The following DCLK1 variants were observed in gnomAD, a reference collection of about 807,000 sequenced individuals.
The protein encoded by DCLK1 is doublecortin like kinase 1.
A neutral mutation model predicts 86.2 loss-of-function variants in DCLK1; 16 were observed. That is an observed-to-expected ratio of 0.19 (90% CI 0.13 to 0.28). The LOEUF (loss-of-function observed/expected upper bound fraction) is 0.28, where lower values mean the gene tolerates loss of function less well. DCLK1 is among the 10% of genes least tolerant of loss of function. DCLK1 has a pLI of 1.00. For synonymous variants in DCLK1, 369 were observed against 370.5 expected (o/e 1.00, Z 0.05); for missense variants, 590 against 940.2 (o/e 0.63, Z 4.87).
rs556161411 is a variant in DCLK1, at chr13:35,849,879, T to A, written c.1035+4620A>T. 1.0e-4 allele frequency: 95 copies of A among 948,716 alleles called. 1 individual carries two copies. Among genetic ancestry groups the A allele is most frequent in the East Asian group, 1.2e-4 (1 of 8,642 alleles). The allele number at this position is 948,716 out of a possible 1,614,324, so 58.8% of individuals were successfully genotyped here. ...TAGGTCTGTATGGAAAAAAAAAAAA[T>A]TCCCAGCTTTAGTTTTTACACATTT... On this transcript the variant is annotated intron_variant, in intron 6 of 16. Transcript: ENST00000360631.
chr13:36,018,233 A>C (rs1458415299), intron 3 of DCLK1, among the ~76,000 whole-genome samples: 1 of 152,174 alleles, frequency 6.6e-6, no homozygotes, highest in Non-Finnish European at 1.5e-5. Flanking sequence ...CTATAGACTC[A>C]GTTTGTACAC....
intron 11 of DCLK1, among the ~76,000 whole-genome samples, chr13:35,815,868 AAAT>A (rs1267662606): frequency 6.6e-6 from 1 of 152,226 alleles, no homozygotes; most frequent in Non-Finnish European, 1.5e-5. Context: ...AAATTAAATG[AAAT>A]AATAAAAATA....
intron 16 of DCLK1, among the ~76,000 whole-genome samples, chr13:35,779,091 C>T (rs2086477823): frequency 6.6e-6 from 1 of 152,094 alleles, no homozygotes; most frequent in Non-Finnish European, 1.5e-5. Context: ...TCTTGGCTCA[C>T]TGCAACCGCC....
At chr13:35,967,218 C>G (rs947984870) in intron 3 of DCLK1, among the ~76,000 whole-genome samples, 18 of 151,398 alleles carry the variant, frequency 1.2e-4, no homozygotes, top group Non-Finnish European at 1.8e-4. Flanking sequence ...TGAGGAGCCC[C>G]TCTGCCCGGC....
At chr13:36,070,813 T>C (rs1427029389) in intron 3 of DCLK1, among the ~76,000 whole-genome samples, 4 of 152,104 alleles carry the variant, frequency 2.6e-5, no homozygotes, top group Non-Finnish European at 5.9e-5. Flanking sequence ...AGCTAATTTT[T>C]TGTATTTTTA....
chr13:35,851,135 G>A (rs918541535), intron 6 of DCLK1, among the ~76,000 whole-genome samples: 6 of 152,126 alleles, frequency 3.9e-5, no homozygotes, highest in African/African-American at 1.4e-4. Context: ...AAAGGAACGT[G>A]CTTACCTCAC....
intron 3 of DCLK1, among the ~76,000 whole-genome samples, chr13:35,954,873 A>C (rs1427315069): frequency 6.6e-6 from 1 of 152,196 alleles, no homozygotes; most frequent in Non-Finnish European, 1.5e-5. Flanking sequence ...TGAAATTCAG[A>C]ATAGGCTAGG....
At chr13:35,936,971 T>A (rs1232709732) in intron 4 of DCLK1, among the ~76,000 whole-genome samples, 2 of 132,390 alleles carry the variant, frequency 1.5e-5, no homozygotes, top group Non-Finnish European at 3.3e-5. Flanking sequence ...GCTTTTTTTT[T>A]TTTTTTTTTT....
chr13:35,880,952 A>G (rs981427698), intron 4 of DCLK1, among the ~76,000 whole-genome samples: 1 of 152,218 alleles, frequency 6.6e-6, no homozygotes, highest in Non-Finnish European at 1.5e-5. Flanking sequence ...CCCACATGTC[A>G]TATGTTCCAC....
chr13:35,913,374 C>A (rs1411879502), intron 4 of DCLK1, among the ~76,000 whole-genome samples: 1 of 152,296 alleles, frequency 6.6e-6, no homozygotes, highest in African/African-American at 2.4e-5. Flanking sequence ...ATATTCATAC[C>A]CAGTGCTCTT....
chr13:36,050,303 A>C (rs1268173276), intron 3 of DCLK1, among the ~76,000 whole-genome samples: 1 of 152,200 alleles, frequency 6.6e-6, no homozygotes, highest in African/African-American at 2.4e-5. Context: ...TGATATACTA[A>C]AAAGTTAATT....
intron 15 of DCLK1, among the ~76,000 whole-genome samples, chr13:35,801,852 A>C (rs1454386374): frequency 6.6e-6 from 1 of 152,188 alleles, no homozygotes; most frequent in Non-Finnish European, 1.5e-5. Context: ...AATCAGGGGA[A>C]GATTCATGTC....
intron 4 of DCLK1, among the ~76,000 whole-genome samples, chr13:35,937,916 CTT>C (rs1566611291): frequency 6.6e-6 from 1 of 151,950 alleles, no homozygotes; most frequent in Non-Finnish European, 1.5e-5. Flanking sequence ...ACTGGAGGCT[CTT>C]TTAGGATAGG....
At chr13:35,954,568 T>C (rs371666956) in intron 3 of DCLK1, among the ~76,000 whole-genome samples, 1 of 152,192 alleles carries the variant, frequency 6.6e-6, no homozygotes, top group Non-Finnish European at 1.5e-5. Context: ...TGTTACGTTA[T>C]TGTCATAAAA....
At chr13:35,899,538 T>C (rs1196469917) in intron 4 of DCLK1, among the ~76,000 whole-genome samples, 1 of 152,086 alleles carries the variant, frequency 6.6e-6, no homozygotes, top group Non-Finnish European at 1.5e-5. Context: ...GTGGAAAGAA[T>C]ACTAATCATG....
At chr13:35,889,733 T>C (rs1873521859) in intron 4 of DCLK1, among the ~76,000 whole-genome samples, 1 of 152,178 alleles carries the variant, frequency 6.6e-6, no homozygotes, top group Non-Finnish European at 1.5e-5. Context: ...ATTTATGACA[T>C]TTATTTTGAC....
chr13:35,809,809 C>T (rs769826214), intron 12 of DCLK1, among the ~76,000 whole-genome samples: 12 of 152,204 alleles, frequency 7.9e-5, no homozygotes, highest in Non-Finnish European at 1.5e-4. Context: ...CCTCACATCT[C>T]GCCTCAGGAA....
At chr13:35,968,458 C>A (rs557509142) in intron 3 of DCLK1, among the ~76,000 whole-genome samples, 4 of 152,166 alleles carry the variant, frequency 2.6e-5, no homozygotes, top group Admixed American at 1.3e-4. Flanking sequence ...CAGCAGAATT[C>A]CCCTTAGCTT....
chr13:35,809,963 G>A (rs77752795), intron 12 of DCLK1, among the ~76,000 whole-genome samples: 104 of 152,302 alleles, frequency 6.8e-4, no homozygotes, highest in African/African-American at 2.4e-3. Flanking sequence ...ATTCCCAGCT[G>A]TGGACTGAAA....
Sources: allele counts gnomAD v4.1 joint callset (sites outside exome capture counted in the v4.1 genomes callset), GRCh38; gene constraint gnomAD v4.1.1; transcripts MANE v1.5; gene names NCBI Gene and HGNC (gene_info 2026-07-23, HGNC 2026-07-21).